Variants in UBE2E2 observed in about 807,000 individuals in gnomAD.
The protein encoded by UBE2E2 is ubiquitin conjugating enzyme E2 E2.
Under a neutral mutation model 24.7 loss-of-function variants are expected in UBE2E2, and 6 were observed. The observed-to-expected ratio is 0.24, with a 90% CI of 0.13 to 0.48. The LOEUF (loss-of-function observed/expected upper bound fraction) is 0.48, where lower values mean the gene tolerates loss of function less well. Among genes scored for constraint, UBE2E2 ranks in the 20% least tolerant of loss-of-function variants. The pLI is 0.99. For synonymous variants in UBE2E2, 104 were observed against 83.6 expected, an observed-to-expected ratio of 1.24 and a Z score of -1.33; for missense variants, 169 against 245.0, an observed-to-expected ratio of 0.69 and a Z score of 2.07.
At position 23,523,050 on chromosome 3, in the gene UBE2E2, A is replaced by G. The variant is rs1176513113; in HGVS notation, c.361-9504A>G. Among the ~76,000 whole-genome samples, 5 of 152,346 alleles carry G rather than the reference A, an allele frequency of 3.3e-5. No individual in the cohort carries two copies. In the East Asian group the frequency reaches 9.6e-4, roughly 29 times the overall value. ...AAAATAATTGTGTAAAGATAAAAAAATGAAATATGAAATATAATGAAAGAA... is the reference window on the plus strand; with the variant it reads ...AAAATAATTGTGTAAAGATAAAAAAGTGAAATATGAAATATAATGAAAGAA... On this transcript the variant is annotated intron_variant, in intron 4 of 5. Coordinates refer to ENST00000396703, the MANE Select transcript of UBE2E2 (RefSeq NM_152653.4).
At chr3:23,354,408 T>G (rs1315214945) in intron 3 of UBE2E2, among the ~76,000 whole-genome samples, 3 of 152,186 alleles carry the variant, frequency 2.0e-5, no homozygotes. Flanking sequence ...AAAGAGCTTC[T>G]GCACAGCAAA....
In UBE2E2 at chr3:23,319,724, A is replaced by G. The variant is rs1286013482; in HGVS notation, c.227+102412A>G. Among the ~76,000 whole-genome samples, 3 of 148,944 alleles carry G rather than the reference A, an allele frequency of 2.0e-5. 1 individual carries two copies. Among genetic ancestry groups the G allele is most frequent in the Non-Finnish European group, 4.5e-5 (3 of 66,790 alleles). ...TAGCTACTTTTGAGGCTGAGGCAGGAGAATTGCTTGAACCTGGGAGGCAGA... is the reference window on the plus strand; with the variant it reads ...TAGCTACTTTTGAGGCTGAGGCAGGGGAATTGCTTGAACCTGGGAGGCAGA... On this transcript the variant is annotated intron_variant, in intron 3 of 5. Coordinates refer to ENST00000396703, the MANE Select transcript of UBE2E2 (RefSeq NM_152653.4).
At chr3:23,525,636 T>C (rs1460220938) in intron 4 of UBE2E2, among the ~76,000 whole-genome samples, 1 of 152,226 alleles carries the variant, frequency 6.6e-6, no homozygotes. Context: ...CAGCTATAAA[T>C]GCCAATGTAG....
chr3:23,255,948 C>T (rs1697710197), intron 3 of UBE2E2, among the ~76,000 whole-genome samples: 1 of 152,092 alleles, frequency 6.6e-6, no homozygotes, highest in Non-Finnish European at 1.5e-5. Flanking sequence ...GCAGTTCAGC[C>T]TGGGCAACAC....
intron 5 of UBE2E2, among the ~76,000 whole-genome samples, chr3:23,567,620 G>A (rs1036765809): frequency 7.9e-5 from 12 of 152,066 alleles, no homozygotes; most frequent in South Asian, 2.1e-4. Flanking sequence ...TGCTCACCAC[G>A]CCAAGTCAGT....
At chr3:23,398,124 C>A (rs1054708047) in intron 3 of UBE2E2, among the ~76,000 whole-genome samples, 1 of 151,930 alleles carries the variant, frequency 6.6e-6, no homozygotes, top group African/African-American at 2.4e-5. Context: ...ACCAGCCTGG[C>A]CAACATGGTG....
chr3:23,567,697 G>A (rs1696109836), intron 5 of UBE2E2, among the ~76,000 whole-genome samples: 1 of 152,152 alleles, frequency 6.6e-6, no homozygotes, highest in Admixed American at 6.6e-5. Context: ...AATGAAGAAG[G>A]ATGTCTAGTC....
intron 3 of UBE2E2, among the ~76,000 whole-genome samples, chr3:23,372,846 G>A (rs1305311833): frequency 6.6e-6 from 1 of 152,160 alleles, no homozygotes; most frequent in African/African-American, 2.4e-5. Flanking sequence ...CTCTGTGACT[G>A]TTGTGCTTGT....
rs549949209 is a variant in UBE2E2, at chr3:23,502,424, A to G, written c.360+2684A>G. Among the ~76,000 whole-genome samples, 104 of 152,286 alleles carry G rather than the reference A, an allele frequency of 6.8e-4. 1 individual carries two copies. The highest frequency in any genetic ancestry group is 2.3e-3 in the African/African-American group (96 of 41,558). ...ACATACCATAAAATTAGTCCGTAGCATGATTGGGTTCATGAGATAATTTTT... is the reference window on the plus strand; with the variant it reads ...ACATACCATAAAATTAGTCCGTAGCGTGATTGGGTTCATGAGATAATTTTT... On this transcript the variant is annotated intron_variant, in intron 4 of 5. Transcript: ENST00000396703.
In UBE2E2 at chr3:23,425,012, A is replaced by G. The variant is rs534068492; in HGVS notation, c.228-74596A>G. Among the ~76,000 whole-genome samples the G allele has an allele frequency of 1.1e-4, 17 of 152,326 alleles. 1 individual carries two copies. In the South Asian group the frequency reaches 3.5e-3, roughly 32 times the overall value. ...AAAACTTAAATTATATACAAAGTAG[A>G]AAATTAGTATAATAAAGACTTTAAA... On this transcript the variant is annotated intron_variant, in intron 3 of 5. Transcript: ENST00000396703.
chr3:23,395,046 T>G (rs1697042250), intron 3 of UBE2E2, among the ~76,000 whole-genome samples: 1 of 152,180 alleles, frequency 6.6e-6, no homozygotes, highest in African/African-American at 2.4e-5. Flanking sequence ...CATTTTCTAC[T>G]TCTTGTGTCA....
chr3:23,433,108 A>T (rs1698103703), intron 3 of UBE2E2, among the ~76,000 whole-genome samples: 1 of 151,934 alleles, frequency 6.6e-6, no homozygotes, highest in African/African-American at 2.4e-5. Flanking sequence ...AAGTGTACCC[A>T]GTTGTTTATT....
At position 23,293,146 on chromosome 3, in the gene UBE2E2, G is replaced by C. The variant is rs577854955; in HGVS notation, c.227+75834G>C. 2.0e-5 allele frequency among the ~76,000 whole-genome samples: 3 copies of C among 152,346 alleles called. 1 individual carries two copies. Among genetic ancestry groups the C allele is most frequent in the African/African-American group, 7.2e-5 (3 of 41,572 alleles). The stretch of plus-strand genomic sequence containing the variant: ...TTATTAAATATTTGGCACAGTGCCA[G>C]TCACATAATAAGCACTCAGCTGCTT... On this transcript the variant is annotated intron_variant, in intron 3 of 5. Transcript: ENST00000396703.
At position 23,434,488 on chromosome 3, in the gene UBE2E2, A is replaced by G. The variant is rs183542387; in HGVS notation, c.228-65120A>G. Among the ~76,000 whole-genome samples, 635 of 152,256 alleles carry G rather than the reference A, an allele frequency of 4.2e-3. 4 individuals are homozygous for G. Among genetic ancestry groups the G allele is most frequent in the Non-Finnish European group, 4.4e-3 (301 of 67,984 alleles). On this transcript the variant is annotated intron_variant, in intron 3 of 5. Coordinates refer to ENST00000396703, the MANE Select transcript of UBE2E2 (RefSeq NM_152653.4). ...GTACGAAACAGATACTCCCAAAATG[A>G]TCACCCTATGTGTGTCCAAAGGAGT... is the stretch of plus-strand genomic sequence containing the variant.
At chr3:23,524,726 AGAAT>A (rs1267975757) in intron 4 of UBE2E2, among the ~76,000 whole-genome samples, 2 of 152,212 alleles carry the variant, frequency 1.3e-5, no homozygotes, top group East Asian at 3.8e-4. Context: ...GTCAACATAA[AGAAT>A]GTTAACTCTT....
At chr3:23,448,273 C>T (rs934646736) in intron 3 of UBE2E2, among the ~76,000 whole-genome samples, 1 of 152,156 alleles carries the variant, frequency 6.6e-6, no homozygotes, top group Non-Finnish European at 1.5e-5. Context: ...TAGGTCAACT[C>T]CTGAAAGGCA....
intron 3 of UBE2E2, among the ~76,000 whole-genome samples, chr3:23,408,317 T>G (rs35038414): frequency 0.1 from 15,459 of 152,186 alleles, 923 homozygotes; most frequent in East Asian, 0.13. Flanking sequence ...CCAAAGGACA[T>G]TCATTTTAGT....
chr3:23,335,467 T>C (rs1375145233), intron 3 of UBE2E2, among the ~76,000 whole-genome samples: 2 of 152,222 alleles, frequency 1.3e-5, no homozygotes, highest in African/African-American at 4.8e-5. Context: ...TGCTTATTTC[T>C]TGTAGCAGTG....
intron 3 of UBE2E2, among the ~76,000 whole-genome samples, chr3:23,263,377 A>G (rs1307630224): frequency 6.6e-6 from 1 of 152,242 alleles, no homozygotes; most frequent in Non-Finnish European, 1.5e-5. Flanking sequence ...TTTAAAAGTA[A>G]TTAAATGAGT....
Sources: allele counts gnomAD v4.1 joint callset (sites outside exome capture counted in the v4.1 genomes callset), GRCh38; gene constraint gnomAD v4.1.1; transcripts MANE v1.5; gene names NCBI Gene and HGNC (gene_info 2026-07-23, HGNC 2026-07-21).